DGKH: variants seen among roughly 807,000 people sequenced by gnomAD.
DGKH encodes diacylglycerol kinase eta, also known as DAG kinase eta.
In DGKH, 90 loss-of-function variants were observed where a neutral mutation model predicts 159.3. The observed-to-expected ratio is 0.57, with a 90% confidence interval of 0.48 to 0.67. The LOEUF (loss-of-function observed/expected upper bound fraction) is 0.67. Among genes scored for constraint, DGKH ranks in the 30% least tolerant of loss-of-function variants. DGKH has a pLI of 0.00. For synonymous variants in DGKH, 536 were observed against 553.8 expected (o/e 0.97, Z 0.45); for missense variants, 1,181 against 1,506.1 (o/e 0.78, Z 3.57).
intron 1 of DGKH, among the ~76,000 whole-genome samples, chr13:42,125,721 C>A (rs1438479293): frequency 6.6e-6 from 1 of 152,080 alleles, no homozygotes; most frequent in Non-Finnish European, 1.5e-5. Flanking sequence ...TTATTGGAGA[C>A]AACAAACTTT....
In DGKH at chr13:42,141,408, A is replaced by G. The variant is rs544733258; in HGVS notation, c.384+11776A>G. ...CAGCATGATTTATAGTCCTTTGGGT[A>G]TATACCCAGTAATGGGATGGCTGGG... is the stretch of plus-strand genomic sequence containing the variant. On this transcript the variant is annotated intron_variant, in intron 3 of 29. Coordinates refer to ENST00000337343, the MANE Select transcript of DGKH (RefSeq NM_178009.5). 5.3e-5 allele frequency among the ~76,000 whole-genome samples: 8 copies of G among 152,258 alleles called. No homozygotes were observed. In the South Asian group the frequency reaches 1.7e-3, roughly 32 times the overall value.
chr13:42,101,345 T>C (rs1239797729), intron 1 of DGKH, among the ~76,000 whole-genome samples: 1 of 152,226 alleles, frequency 6.6e-6, no homozygotes, highest in Admixed American at 6.5e-5. Context: ...CATTGAGAAC[T>C]AGGAATAAAC....
intron 13 of DGKH, chr13:42,181,715 A>G (rs1566165646): frequency 4.4e-6 from 3 of 684,520 alleles, no homozygotes; most frequent in East Asian, 6.9e-5. Flanking sequence ...GCCCCACAGC[A>G]GGGCCCACAG....
Position 42,189,262 on chromosome 13 carries a change from A to G in DGKH, c.1865A>G (p.Asn622Ser), listed in dbSNP as rs755615251. The change falls in exon 15 of 30, where the codon AAT becomes AGT. Residue 622 changes from asparagine to serine, a missense_variant. Transcript: ENST00000337343. ...VKPREIMLRANSLKKAVRQVI... is the reference protein window; with the variant it reads ...VKPREIMLRASSLKKAVRQVI... The stretch of plus-strand genomic sequence containing the variant: ...CCAAGGGAAATCATGTTGCGGGCAA[A>G]TAGTTTAAAGAAAGCAGTGAGGCAA... 1.2e-6 allele frequency: 2 copies of G among 1,614,248 alleles called. No individual in the cohort carries two copies. Among genetic ancestry groups the G allele is most frequent in the South Asian group, 1.1e-5 (1 of 91,086 alleles).
At chr13:42,181,650 G>T in intron 13 of DGKH, 1 of 329,808 alleles carries the variant, frequency 3.0e-6, no homozygotes, top group Non-Finnish European at 6.6e-6. Flanking sequence ...TGTGAGCCCA[G>T]CATTACTTCC....
chr13:42,103,259 A>ATTT (rs1357514813), intron 1 of DGKH, among the ~76,000 whole-genome samples: 1 of 152,222 alleles, frequency 6.6e-6, no homozygotes, highest in African/African-American at 2.4e-5. Context: ...GTGGTGGTGC[A>ATTT]GGAGCCCTTT....
In DGKH at chr13:42,208,961, A is replaced by G. The variant is rs1331712501; in HGVS notation, c.2604A>G (p.Ile868Met). The G allele has an allele frequency of 6.2e-7, 1 of 1,603,810 alleles. No individual in the cohort carries two copies. Among genetic ancestry groups the G allele is most frequent in the South Asian group, 1.1e-5 (1 of 89,066 alleles). The change falls in exon 22 of 30, where the codon ATA becomes ATG. Residue 868 changes from isoleucine (I) to methionine (M), a missense_variant and splice_region_variant. By Grantham distance (10) the Ile-to-Met change is conservative (BLOSUM62 1). Transcript: ENST00000337343. The part of the protein sequence containing the change: ...NFWGGTKEDD[I>M]FAAPSFDDKI... The stretch of plus-strand genomic sequence containing the variant: ...GTGTAATGTAGTTTTTCTTTCAGAT[A>G]TTTGCTGCACCATCCTTTGATGACA...
At chr13:42,076,054 C>A (rs1489532619) in intron 1 of DGKH, among the ~76,000 whole-genome samples, 1 of 152,020 alleles carries the variant, frequency 6.6e-6, no homozygotes, top group South Asian at 2.1e-4. Context: ...CCTCTTATAG[C>A]CTTTTTCTGG....
chr13:42,193,713 T>C (rs1957139422), intron 16 of DGKH, among the ~76,000 whole-genome samples: 1 of 152,206 alleles, frequency 6.6e-6, no homozygotes, highest in Admixed American at 6.5e-5. Flanking sequence ...GAGTCCTATC[T>C]ATTTAAAAAA....
At chr13:42,174,194 A>AT in intron 12 of DGKH, 50 bp downstream of exon 12, 1 of 1,369,510 alleles carries the variant, frequency 7.3e-7, no homozygotes, top group African/African-American at 1.5e-5. Context: ...GGATATCTTG[A>AT]GAAAAAAAAA....
At chr13:42,130,362 C>G (rs1955263572) in intron 3 of DGKH, among the ~76,000 whole-genome samples, 2 of 152,184 alleles carry the variant, frequency 1.3e-5, no homozygotes, top group Admixed American at 6.6e-5. Context: ...TTCAGATAAC[C>G]CATTTTTTTC....
At chr13:42,215,443 C>T (rs139781543) in intron 25 of DGKH, 132 bp from the exon 26 acceptor site, 31 of 612,484 alleles carry the variant, frequency 5.1e-5, no homozygotes, top group African/African-American at 3.5e-4. Context: ...TGAAACTTTG[C>T]GATTATAGAA....
rs1882741296 is a variant in DGKH, at chr13:42,068,502, G to C, written c.192+19537G>C. On this transcript the variant is annotated intron_variant, in intron 1 of 29. Coordinates refer to ENST00000337343, the MANE Select transcript of DGKH (RefSeq NM_178009.5). ...TTCATTTTCAGTTGCTTCTGGTATC[G>C]TGTGTTTTACGAAATGTGTACAGTA... Among the ~76,000 whole-genome samples the C allele has an allele frequency of 2.6e-5, 4 of 152,236 alleles. No homozygotes were observed. The East Asian group carries it at 7.7e-4, about 29-fold the overall frequency.
chr13:42,212,384 A>G (rs1296579626), intron 24 of DGKH, among the ~76,000 whole-genome samples: 2 of 152,196 alleles, frequency 1.3e-5, no homozygotes, highest in Non-Finnish European at 2.9e-5. Flanking sequence ...CTATACCCAC[A>G]CAGCTGCATT....
chr13:42,041,641 C>A (rs1880513815), intron 1 of DGKH, among the ~76,000 whole-genome samples: 1 of 152,198 alleles, frequency 6.6e-6, no homozygotes, highest in Admixed American at 6.5e-5. Context: ...CTTCTCTCTT[C>A]CGATTCAAAC....
intron 30 of DGKH, chr13:42,256,136 G>A: frequency 8.5e-7 from 1 of 1,173,060 alleles, no homozygotes; most frequent in South Asian, 1.2e-5. Flanking sequence ...TCAGTGTGAA[G>A]CAATGACCAT....
intron 3 of DGKH, among the ~76,000 whole-genome samples, chr13:42,154,180 C>G (rs1377983787): frequency 6.6e-6 from 1 of 152,112 alleles, no homozygotes; most frequent in African/African-American, 2.4e-5. Context: ...GCTCTATAAT[C>G]CAATGTAATG....
At chr13:42,185,193 G>A (rs762037258) in intron 13 of DGKH, among the ~76,000 whole-genome samples, 9 of 151,962 alleles carry the variant, frequency 5.9e-5, no homozygotes, top group Non-Finnish European at 1.0e-4. Context: ...CACTATTTAG[G>A]TATAATAAAA....
At chr13:42,157,761 G>A (rs1458842321) in intron 5 of DGKH, among the ~76,000 whole-genome samples, 6 of 152,090 alleles carry the variant, frequency 3.9e-5, no homozygotes, top group Admixed American at 2.6e-4. Context: ...TATTATTATT[G>A]TTATTATTTT....
Sources: gnomAD v4.1 joint callset for allele counts (sites outside exome capture counted in the v4.1 genomes callset) on GRCh38, gnomAD v4.1.1 for gene constraint, MANE v1.5 for transcripts, NCBI Gene and HGNC (gene_info 2026-07-23, HGNC 2026-07-21) for gene names.